Variants in PEAR1 observed in about 807,000 individuals in gnomAD.
PEAR1 encodes the protein multiple EGF-like domains protein 12.
Under a neutral mutation model 131.2 loss-of-function variants are expected in PEAR1, and 113 were observed. The ratio of observed to expected loss-of-function variants is 0.86; its 90% CI spans 0.74 to 1.01. The LOEUF (loss-of-function observed/expected upper bound fraction) is 1.01, where lower values mean the gene tolerates loss of function less well. PEAR1 is among the 50% of genes least tolerant of loss of function. PEAR1 has a pLI of 0.00. For synonymous variants in PEAR1, 565 were observed against 523.3 expected (o/e 1.08, Z -1.09); for missense variants, 1,408 against 1,391.1 (o/e 1.01, Z -0.19).
Position 156,909,743 on chromosome 1 carries a change from T to C in PEAR1, c.1412-8T>C. 1 of 1,591,024 alleles carries C rather than the reference T, an allele frequency of 6.3e-7. No homozygotes were observed. The highest frequency in any genetic ancestry group is 1.7e-5 in the Admixed American group (1 of 58,686). On this transcript the variant is annotated splice_polypyrimidine_tract_variant and splice_region_variant and intron_variant, in intron 11 of 22. Transcript: ENST00000292357. ...TCCCCATACCTACCTACCAGGCCCC[T>C]CCTCCAGGTTGGCAGCGTGGTAACT...
chr1:156,908,907 C>G lies in PEAR1; in HGVS notation c.1291-9C>G, dbSNP rs1395775841. On this transcript the variant is annotated splice_polypyrimidine_tract_variant and intron_variant, in intron 10 of 22. Coordinates refer to ENST00000292357, the MANE Select transcript of PEAR1 (RefSeq NM_001080471.3). This position sits in a 1 kb window ranked among gnomAD's most constrained non-coding sequence, Gnocchi z 4.2. The stretch of plus-strand genomic sequence containing the variant: ...GGGCCGCCCCTCTCACCCGCTCACC[C>G]TCTTTCAGGGCCCTCACTGTGCTAG... 2 of 1,612,840 alleles carry G rather than the reference C, an allele frequency of 1.2e-6. No homozygotes were observed. The highest frequency in any genetic ancestry group is 3.3e-5 in the Admixed American group (2 of 60,024).
At chr1:156,899,915 C>G (rs1570939704) in intron 1 of PEAR1, among the ~76,000 whole-genome samples, 1 of 152,138 alleles carries the variant, frequency 6.6e-6, no homozygotes. Flanking sequence ...TCTGCTGTCT[C>G]ACTTCCGTCA....
intron 1 of PEAR1, among the ~76,000 whole-genome samples, chr1:156,901,802 G>A (rs1001778225): frequency 6.6e-6 from 1 of 152,190 alleles, no homozygotes; most frequent in Non-Finnish European, 1.5e-5. Context: ...GTGGAGAGAA[G>A]GTTAGCTGGG....
rs770614740 is a variant in PEAR1, at chr1:156,894,849, G to T, written c.-10+1012G>T. Among the ~76,000 whole-genome samples, 3 of 152,334 alleles carry T rather than the reference G, an allele frequency of 2.0e-5. 1 individual carries two copies. Among genetic ancestry groups the T allele is most frequent in the Middle Eastern group, 6.8e-3 (2 of 294 alleles). On this transcript the variant is annotated intron_variant, in intron 1 of 22. Coordinates refer to ENST00000292357, the MANE Select transcript of PEAR1 (RefSeq NM_001080471.3). ...GCTCAGCTCGGGCAGGATTGGGCCG[G>T]GTGTCAGCTCTCAACCCTGGCCTAA...
chr1:156,910,516 C>A (rs1558142358), intron 14 of PEAR1, 102 bp from the exon 15 acceptor site: 2 of 1,559,982 alleles, frequency 1.3e-6, no homozygotes, highest in Admixed American at 1.8e-5. Flanking sequence ...GACCCGTCTT[C>A]AGACTAGTTA....
At chr1:156,906,518 G>T in intron 5 of PEAR1, 119 bp from the exon 6 acceptor site, 1 of 1,544,542 alleles carries the variant, frequency 6.5e-7, no homozygotes, top group East Asian at 2.3e-5. Context: ...CTTTTCTGGA[G>T]ATGTGGAAGA....
Position 156,913,979 on chromosome 1 carries a change from A to G in PEAR1, c.2841A>G (p.Lys947=), listed in dbSNP as rs1651589743. ...GPRESSYMEM[K]GPPSGSPPRQ... ...GGGAGAGCAGCTACATGGAGATGAA[A>G]GGCCCTCCCTCAGGATCTCCCCCCA... Residue 947 remains lysine (K), a synonymous_variant, in exon 22 of 23, where the codon AAA becomes AAG. Transcript: ENST00000292357. 23 of 1,613,822 alleles carry G rather than the reference A, an allele frequency of 1.4e-5. No individual in the cohort carries two copies. The highest frequency in any genetic ancestry group is 1.9e-5 in the Non-Finnish European group (23 of 1,179,906).
intron 1 of PEAR1, among the ~76,000 whole-genome samples, chr1:156,898,307 A>T (rs2102963433): frequency 1.3e-5 from 2 of 151,908 alleles, no homozygotes; most frequent in East Asian, 3.9e-4. Context: ...CGGACCTAGG[A>T]CCCTCTAGCT....
At chr1:156,912,019 T>C (rs988661673) in intron 15 of PEAR1, among the ~76,000 whole-genome samples, 1 of 152,196 alleles carries the variant, frequency 6.6e-6, no homozygotes, top group Non-Finnish European at 1.5e-5. Context: ...TATTAGATAG[T>C]CAAGTGCAGA....
intron 4 of PEAR1, among the ~76,000 whole-genome samples, chr1:156,905,706 G>A (rs1044269007): frequency 4.6e-5 from 7 of 152,190 alleles, no homozygotes; most frequent in Middle Eastern, 3.4e-3. Flanking sequence ...CTGCCCTAGA[G>A]CTCTTGTTCT....
Position 156,914,637 on chromosome 1 carries a change from A to G in PEAR1, c.2963-10A>G, listed in dbSNP as rs753471592. ...AGCCACTCCCTCTTATCTTGTCCTC[A>G]TGTTTCCAGACCGAGACTCTGTGGG... On this transcript the variant is annotated splice_polypyrimidine_tract_variant and intron_variant, in intron 22 of 22. Coordinates refer to ENST00000292357, the MANE Select transcript of PEAR1 (RefSeq NM_001080471.3). 2.5e-6 allele frequency: 4 copies of G among 1,608,194 alleles called. No individual in the cohort carries two copies. The African/African-American group carries it at 4.0e-5, about 16-fold the overall frequency.
At chr1:156,911,009 T>C (rs1448241622) in intron 15 of PEAR1, among the ~76,000 whole-genome samples, 1 of 152,082 alleles carries the variant, frequency 6.6e-6, no homozygotes, top group Non-Finnish European at 1.5e-5. Context: ...ATCATAGGCT[T>C]AGCTTGGGAC....
At chr1:156,903,779 G>A in intron 1 of PEAR1, 139 bp from the exon 2 acceptor site, 1 of 671,050 alleles carries the variant, frequency 1.5e-6, no homozygotes. Context: ...AGGGGAGCTG[G>A]AGCTCAGAGC....
At position 156,914,739 on chromosome 1, in the gene PEAR1, T is replaced by C; in HGVS notation, c.3055T>C (p.Tyr1019His). The C allele has an allele frequency of 2.5e-6, 4 of 1,613,992 alleles. No individual in the cohort carries two copies. The highest frequency in any genetic ancestry group is 3.4e-6 in the Non-Finnish European group (4 of 1,179,926). ...SPKNSHIPGH[Y>H]DLPPVRHPPS... ...CAAGAACAGCCACATCCCTGGACAT[T>C]ATGACTTGCCTCCAGTACGGCATCC... Residue 1019 changes from tyrosine (Y) to histidine (H), a missense_variant, in exon 23 of 23, where the codon TAT (tyrosine) becomes CAT (histidine). By Grantham distance (83) the Tyr-to-His change is moderately conservative. Coordinates refer to ENST00000292357, the MANE Select transcript of PEAR1 (RefSeq NM_001080471.3).
rs375728418 is a variant in PEAR1 at position 156,907,953 on chromosome 1, C to T, written c.804C>T (p.His268=). ...ICSLPCPEGF[H]GPNCSQECRC... ...CCCTGCCCTGCCCAGAGGGCTTTCA[C>T]GGACCCAACTGCTCCCAGGAATGTC... is the stretch of plus-strand genomic sequence containing the variant. The change falls in exon 8 of 23, where the codon CAC becomes CAT. Residue 268 remains histidine (H), a synonymous_variant. Transcript: ENST00000292357. 1 of 1,586,204 alleles carries T rather than the reference C, an allele frequency of 6.3e-7. No individual in the cohort carries two copies. Among genetic ancestry groups the T allele is most frequent in the Admixed American group, 1.8e-5 (1 of 56,326 alleles).
At position 156,909,735 on chromosome 1, in the gene PEAR1, C is replaced by G. The variant is rs1650821593; in HGVS notation, c.1412-16C>G. ...GAAATGGGTCCCCATACCTACCTAC[C>G]AGGCCCCTCCTCCAGGTTGGCAGCG... On this transcript the variant is annotated splice_polypyrimidine_tract_variant and intron_variant, in intron 11 of 22. Transcript: ENST00000292357. The G allele has an allele frequency of 6.3e-7, 1 of 1,583,840 alleles. No homozygotes were observed. The highest frequency in any genetic ancestry group is 8.6e-7 in the Non-Finnish European group (1 of 1,160,426).
rs775457447 is a variant in PEAR1, at chr1:156,908,388, G to A, written c.1115+48G>A. The A allele has an allele frequency of 2.1e-6, 3 of 1,456,124 alleles. No individual in the cohort carries two copies. Among genetic ancestry groups the A allele is most frequent in the African/African-American group, 2.8e-5 (2 of 71,000 alleles). The allele number at this position is 1,456,124 out of a possible 1,614,324, so 90.2% of individuals were successfully genotyped here. A position where few individuals can be genotyped will look rare whatever the true frequency, so the allele number is the denominator to read the frequency against. On this transcript the variant is annotated intron_variant, in intron 9 of 22. Coordinates refer to ENST00000292357, the MANE Select transcript of PEAR1 (RefSeq NM_001080471.3). This position sits in a 1 kb window ranked among gnomAD's most constrained non-coding sequence, Gnocchi z 4.2. ...AAAGGATCAGGAGGCCAATGGGGAG[G>A]TCTTCCTGGCCGAAGTCACCACAGA...
At chr1:156,914,556 G>A (rs1460408360) in intron 22 of PEAR1, 91 bp from the exon 23 acceptor site, 4 of 1,321,182 alleles carry the variant, frequency 3.0e-6, no homozygotes, top group Non-Finnish European at 4.2e-6. Flanking sequence ...CCTTGAAGAG[G>A]CTGAAGAGGA....
chr1:156,898,867 C>T (rs1016447052), intron 1 of PEAR1, among the ~76,000 whole-genome samples: 8 of 151,814 alleles, frequency 5.3e-5, no homozygotes, highest in South Asian at 4.2e-4. Flanking sequence ...AGTATAGGAA[C>T]GGAAAAAGAG....
Sources: allele counts gnomAD v4.1 joint callset (sites outside exome capture counted in the v4.1 genomes callset), GRCh38; gene constraint gnomAD v4.1.1; non-coding constraint Gnocchi (gnomAD v3.1); transcripts MANE v1.5; gene names NCBI Gene and HGNC (gene_info 2026-07-23, HGNC 2026-07-21).